Variants in ZFP41 observed in about 807,000 individuals in gnomAD.
ZFP41 encodes zinc finger protein 41 homolog.
ZFP41 carries 10 observed loss-of-function variants against 11.6 expected under a neutral mutation model. That is an observed-to-expected ratio of 0.86 (90% CI 0.53 to 1.47). The LOEUF is 1.47. ZFP41 is among the 40% of genes most tolerant of loss of function. The pLI is 0.00. For missense variants in ZFP41, 302 were observed against 264.6 expected (o/e 1.14, Z -0.98); for synonymous variants, 123 against 100.9 (o/e 1.22, Z -1.31).
Position 143,249,737 on chromosome 8 carries a change from C to T in ZFP41, c.-107C>T, listed in dbSNP as rs1816759130. 7.5e-6 allele frequency: 11 copies of T among 1,469,622 alleles called. No individual in the cohort carries two copies. The highest frequency in any genetic ancestry group is 9.9e-6 in the Non-Finnish European group (11 of 1,113,756). 91.0% of individuals were successfully genotyped at this position (1,469,622 alleles called of 1,614,324 possible). A position where few individuals can be genotyped will look rare whatever the true frequency, so the allele number is the denominator to read the frequency against. ...GGCCTCCTGGTGCAGAGCATCAGTC[C>T]CACGCTGGGAGTGTGGAGAGGTGCG... On this transcript the variant is annotated 5_prime_UTR_variant, in exon 2 of 3. Transcript: ENST00000330701.
chr8:143,259,565 TGCACGGGTTAAC>T (rs1814989210), intron 2 of ZFP41, among the ~76,000 whole-genome samples, 198 bp from the exon 3 acceptor site: 1 of 152,086 alleles, frequency 6.6e-6, no homozygotes, highest in Non-Finnish European at 1.5e-5. Flanking sequence ...AGCCCTGGGG[TGCACGGGTTAAC>T]GCCCACTTCC....
chr8:143,249,797 G>C lies in ZFP41; in HGVS notation c.-47G>C. 6.6e-7 allele frequency: 1 copy of C among 1,524,852 alleles called. No individual in the cohort carries two copies. Among genetic ancestry groups the C allele is most frequent in the Non-Finnish European group, 8.8e-7 (1 of 1,141,564 alleles). 94.5% of individuals were successfully genotyped at this position (1,524,852 alleles called of 1,614,324 possible). On this transcript the variant is annotated 5_prime_UTR_variant, in exon 2 of 3. Transcript: ENST00000330701. ...AGCCATTGAGGAAGTGGGGCCAACAGAGAGGTCAGCAGCCCCTTAGCCCTC... is the reference window on the plus strand; with the variant it reads ...AGCCATTGAGGAAGTGGGGCCAACACAGAGGTCAGCAGCCCCTTAGCCCTC...
chr8:143,251,476 G>A (rs1447115660), intron 2 of ZFP41, 136 bp downstream of exon 2: 2 of 152,364 alleles, frequency 1.3e-5, no homozygotes, highest in Non-Finnish European at 2.9e-5. Flanking sequence ...TGGTTTATAA[G>A]AGGGTAGCAA....
intron 2 of ZFP41, among the ~76,000 whole-genome samples, 170 bp from the exon 3 acceptor site, chr8:143,259,605 T>C (rs1814990942): frequency 6.7e-6 from 1 of 149,810 alleles, no homozygotes; most frequent in South Asian, 2.2e-4. Context: ...CCACTGATCT[T>C]GAGGCCCCCC....
At chr8:143,257,745 C>T (rs761470832) in intron 2 of ZFP41, among the ~76,000 whole-genome samples, 2 of 152,250 alleles carry the variant, frequency 1.3e-5, no homozygotes, top group Non-Finnish European at 2.9e-5. Flanking sequence ...GAGAACTCCA[C>T]CAAAACGGTT....
At chr8:143,255,234 A>G (rs1814877805) in intron 2 of ZFP41, among the ~76,000 whole-genome samples, 1 of 152,138 alleles carries the variant, frequency 6.6e-6, no homozygotes, top group African/African-American at 2.4e-5. Flanking sequence ...CTTGACCCTC[A>G]CTCTGGAACT....
At chr8:143,252,164 T>C (rs932454713) in intron 2 of ZFP41, among the ~76,000 whole-genome samples, 3 of 152,240 alleles carry the variant, frequency 2.0e-5, no homozygotes, top group African/African-American at 7.2e-5. Context: ...AACCACACTG[T>C]CACCCACACT....
chr8:143,256,339 C>T (rs1416217817), intron 2 of ZFP41, among the ~76,000 whole-genome samples: 2 of 111,264 alleles, frequency 1.8e-5, no homozygotes, highest in Non-Finnish European at 3.6e-5. Flanking sequence ...GATCAGGGCT[C>T]ACCCCGCGTG....
chr8:143,258,559 T>C (rs1814964737), intron 2 of ZFP41, among the ~76,000 whole-genome samples: 1 of 152,194 alleles, frequency 6.6e-6, no homozygotes, highest in Admixed American at 6.5e-5. Context: ...CACCGTTACT[T>C]ACCCTGACCA....
chr8:143,253,508 C>G (rs535243760), intron 2 of ZFP41: 22 of 152,352 alleles, frequency 1.4e-4, no homozygotes, highest in African/African-American at 5.3e-4. Flanking sequence ...GGTCCCCACC[C>G]TGCTGTGTAG....
At chr8:143,256,306 G>A (rs1161362999) in intron 2 of ZFP41, among the ~76,000 whole-genome samples, 21 of 95,132 alleles carry the variant, frequency 2.2e-4, no homozygotes, top group Non-Finnish European at 4.0e-4. Context: ...ATCAGGGCTC[G>A]CCCCGCGTGC....
chr8:143,253,079 G>T (rs1563727504), intron 2 of ZFP41: 1 of 152,310 alleles, frequency 6.6e-6, no homozygotes, highest in Non-Finnish European at 1.5e-5. Flanking sequence ...TCCTGGATCG[G>T]AAGAGTTGCT....
chr8:143,260,735 A>G lies in ZFP41; in HGVS notation c.*1861A>G. On this transcript the variant is annotated 3_prime_UTR_variant, in exon 3 of 3. Transcript: ENST00000330701. ...AGGCACCATCCTTCCAGCCTTGCTCAGTCACCCTGACCCAGAGGGCTGCCC... is the reference window on the plus strand; with the variant it reads ...AGGCACCATCCTTCCAGCCTTGCTCGGTCACCCTGACCCAGAGGGCTGCCC... 5.3e-6 allele frequency: 1 copy of G among 188,100 alleles called. No homozygotes were observed. The highest frequency in any genetic ancestry group is 1.1e-5 in the Non-Finnish European group (1 of 88,816). The allele number at this position is 188,100 out of a possible 1,614,324, so 11.7% of individuals were successfully genotyped here.
intron 2 of ZFP41, among the ~76,000 whole-genome samples, chr8:143,258,321 G>A (rs566109717): frequency 1.4e-4 from 21 of 152,294 alleles, no homozygotes; most frequent in African/African-American, 4.6e-4. Flanking sequence ...AGTGATGGAC[G>A]CCTCTTCCAG....
At chr8:143,252,392 G>A (rs1814787158) in intron 2 of ZFP41, among the ~76,000 whole-genome samples, 1 of 152,236 alleles carries the variant, frequency 6.6e-6, no homozygotes, top group African/African-American at 2.4e-5. Flanking sequence ...GGCATTGCTG[G>A]TGTGGCTGTG....
chr8:143,262,207 G>A lies in ZFP41; in HGVS notation c.*3333G>A, dbSNP rs531747679. ...GCAGCCCCGTGCTCCCGTGGCCACC[G>A]CTCAGCCAAATGGATTCAGCGAGGG... On this transcript the variant is annotated 3_prime_UTR_variant, in exon 3 of 3. Coordinates refer to ENST00000330701, the MANE Select transcript of ZFP41 (RefSeq NM_173832.6). 3.7e-5 allele frequency: 6 copies of A among 162,824 alleles called. No individual in the cohort carries two copies. Among genetic ancestry groups the A allele is most frequent in the African/African-American group, 7.2e-5 (3 of 41,652 alleles). The allele number at this position is 162,824 out of a possible 1,614,324, so 10.1% of individuals were successfully genotyped here. A position where few individuals can be genotyped will look rare whatever the true frequency, so the allele number is the denominator to read the frequency against.
intron 2 of ZFP41, chr8:143,253,718 G>A (rs1284378029): frequency 6.6e-6 from 1 of 152,272 alleles, no homozygotes; most frequent in Non-Finnish European, 1.5e-5. Flanking sequence ...GTGGGAAGGG[G>A]CCTGGCAGGA....
rs549983436 is a variant in ZFP41, at chr8:143,260,789, C to T, written c.*1915C>T. 2.7e-5 allele frequency: 5 copies of T among 187,602 alleles called. No individual in the cohort carries two copies. The South Asian group carries it at 3.7e-4, about 14-fold the overall frequency. 11.6% of individuals were successfully genotyped at this position (187,602 alleles called of 1,614,324 possible). A position where few individuals can be genotyped will look rare whatever the true frequency, so the allele number is the denominator to read the frequency against. On this transcript the variant is annotated 3_prime_UTR_variant, in exon 3 of 3. Transcript: ENST00000330701. ...CCAGCGGGCACCATCCTCCCAGCCC[C>T]ACTCAGCTGCCCTGACCAGCGGGCA...
rs1457782013 is a variant in ZFP41, at chr8:143,250,768, T to C, written c.*328T>C. The C allele has an allele frequency of 5.4e-6, 2 of 370,754 alleles. No individual in the cohort carries two copies. The highest frequency in any genetic ancestry group is 3.7e-5 in the South Asian group (1 of 26,828). The allele number at this position is 370,754 out of a possible 1,614,324, so 23.0% of individuals were successfully genotyped here. A position where few individuals can be genotyped will look rare whatever the true frequency, so the allele number is the denominator to read the frequency against. On this transcript the variant is annotated 3_prime_UTR_variant, in exon 2 of 3. Transcript: ENST00000330701. Reference sequence around the variant, plus strand: ...ACCAGGGAGTATTCACTGCCATCCATTGGACGTGTTTGGGTCACCTCAGAG... The same window carrying C: ...ACCAGGGAGTATTCACTGCCATCCACTGGACGTGTTTGGGTCACCTCAGAG...
Sources: allele counts gnomAD v4.1 joint callset (sites outside exome capture counted in the v4.1 genomes callset), GRCh38; gene constraint gnomAD v4.1.1; transcripts MANE v1.5; gene names NCBI Gene and HGNC (gene_info 2026-07-23, HGNC 2026-07-21).